EPB41L4A: variants seen among roughly 807,000 people sequenced by gnomAD.
The protein encoded by EPB41L4A is erythrocyte membrane protein band 4.1 like 4A.
Under a neutral mutation model 108.6 loss-of-function variants are expected in EPB41L4A, and 100 were observed. The observed-to-expected ratio is 0.92, with a 90% CI of 0.78 to 1.09. EPB41L4A has a LOEUF of 1.09. EPB41L4A is among the 50% of genes least tolerant of loss of function. EPB41L4A has a pLI of 0.00. For missense variants in EPB41L4A, 1,030 were observed against 842.7 expected, an observed-to-expected ratio of 1.22 and a Z score of -2.75; for synonymous variants, 319 against 289.0, an observed-to-expected ratio of 1.10 and a Z score of -1.05.
downstream of EPB41L4A, chr5:112,162,579 AT>A (rs1283003335): frequency 1.1e-4 from 17 of 152,214 alleles, no homozygotes; most frequent in African/African-American, 3.6e-4. Flanking sequence ...TAATGTTGCC[AT>A]ATCTTCTGCC....
chr5:112,291,228 C>A (rs1200696628), intron 2 of EPB41L4A, among the ~76,000 whole-genome samples: 1 of 152,180 alleles, frequency 6.6e-6, no homozygotes, highest in Non-Finnish European at 1.5e-5. Flanking sequence ...CCCTGCCCAC[C>A]TTTCCACTTC....
intron 2 of EPB41L4A, among the ~76,000 whole-genome samples, chr5:112,302,738 T>G (rs1754444299): frequency 6.6e-6 from 1 of 152,164 alleles, no homozygotes; most frequent in South Asian, 2.1e-4. Flanking sequence ...ACATCTGGGT[T>G]GAAGATAGGA....
intron 1 of EPB41L4A, among the ~76,000 whole-genome samples, chr5:112,409,100 A>T (rs928777093): frequency 6.6e-6 from 1 of 152,212 alleles, no homozygotes; most frequent in African/African-American, 2.4e-5. Flanking sequence ...TCGACTGATG[A>T]AAGAATAAAT....
intron 12 of EPB41L4A, among the ~76,000 whole-genome samples, chr5:112,215,679 C>T (rs554089638): frequency 8.5e-5 from 12 of 141,540 alleles, no homozygotes; most frequent in Admixed American, 6.1e-4. Flanking sequence ...AGGAGAATGG[C>T]GTGATCCCGG....
At chr5:112,405,518 T>C (rs906325884) in intron 1 of EPB41L4A, among the ~76,000 whole-genome samples, 5 of 152,226 alleles carry the variant, frequency 3.3e-5, no homozygotes, top group African/African-American at 1.2e-4. Flanking sequence ...TTAGAGTCTC[T>C]ACTTTTGTGA....
Position 112,239,671 on chromosome 5 carries a change from C to T in EPB41L4A, c.954G>A (p.Lys318=). The stretch of plus-strand genomic sequence containing the variant: ...AAAATGTCATTTACCTGTAGCGGTG[C>T]TTATAACGTATGGATCCAAACTTGC... The part of the protein sequence containing the change: ...KLSKFGSIRY[K]HRYSGRTALQ... Residue 318 remains lysine (K), a synonymous_variant, in exon 11 of 23, where the codon AAG becomes AAA. Coordinates refer to ENST00000261486, the MANE Select transcript of EPB41L4A (RefSeq NM_022140.5). 3 of 1,603,998 alleles carry T rather than the reference C, an allele frequency of 1.9e-6. No individual in the cohort carries two copies. Among genetic ancestry groups the T allele is most frequent in the Non-Finnish European group, 2.6e-6 (3 of 1,175,344 alleles).
chr5:112,402,277 T>C (rs1761810614), intron 1 of EPB41L4A, among the ~76,000 whole-genome samples: 1 of 152,128 alleles, frequency 6.6e-6, no homozygotes, highest in African/African-American at 2.4e-5. Context: ...GATTGTAAGT[T>C]TCCTGAGGCC....
chr5:112,362,919 T>TA (rs1418205918), intron 1 of EPB41L4A, among the ~76,000 whole-genome samples: 12 of 151,774 alleles, frequency 7.9e-5, no homozygotes, highest in East Asian at 3.9e-4. Flanking sequence ...TTATTATTAT[T>TA]TTTTTTTAAA....
intron 17 of EPB41L4A, among the ~76,000 whole-genome samples, chr5:112,187,212 G>T (rs1344328431): frequency 6.6e-6 from 1 of 152,124 alleles, no homozygotes; most frequent in South Asian, 2.1e-4. Flanking sequence ...TTCAAATGTT[G>T]CATCTAAAGG....
intron 2 of EPB41L4A, among the ~76,000 whole-genome samples, chr5:112,280,739 G>C (rs750443584): frequency 8.5e-5 from 13 of 152,218 alleles, no homozygotes; most frequent in Non-Finnish European, 1.6e-4. Context: ...TTATCATACT[G>C]ATTATAATGT....
chr5:112,243,467 A>C (rs561773095), intron 9 of EPB41L4A, among the ~76,000 whole-genome samples: 3 of 152,214 alleles, frequency 2.0e-5, no homozygotes, highest in African/African-American at 7.2e-5. Context: ...CTGCAGTAGC[A>C]CCTAAAGAGA....
chr5:112,300,554 A>G (rs1485484007), intron 2 of EPB41L4A, among the ~76,000 whole-genome samples: 1 of 152,138 alleles, frequency 6.6e-6, no homozygotes, highest in Admixed American at 6.5e-5. Flanking sequence ...AGATTACCTA[A>G]TGCTTTTGCC....
At position 112,283,386 on chromosome 5, in the gene EPB41L4A, G is replaced by A. The variant is rs139928053; in HGVS notation, c.205-3063C>T. ...ATCTTGAAATGTAAAACCCACTTAC[G>A]TTCAACCAAGGGAAAGATGTGACCT... On this transcript the variant is annotated intron_variant, in intron 2 of 22. Coordinates refer to ENST00000261486, the MANE Select transcript of EPB41L4A (RefSeq NM_022140.5). Among the ~76,000 whole-genome samples, 98 of 152,260 alleles carry A rather than the reference G, an allele frequency of 6.4e-4. 2 individuals are homozygous for A. Among genetic ancestry groups the A allele is most frequent in the African/African-American group, 2.2e-3 (92 of 41,522 alleles).
At chr5:112,172,678 C>G (rs930712999) in intron 18 of EPB41L4A, among the ~76,000 whole-genome samples, 1 of 152,126 alleles carries the variant, frequency 6.6e-6, no homozygotes, top group Non-Finnish European at 1.5e-5. Flanking sequence ...TTAAAAAGCA[C>G]TAAGGTGTTA....
At chr5:112,254,803 T>TAAGA (rs1750954332) in intron 9 of EPB41L4A, among the ~76,000 whole-genome samples, 1 of 151,930 alleles carries the variant, frequency 6.6e-6, no homozygotes, top group East Asian at 1.9e-4. Context: ...GTCTCTTTCT[T>TAAGA]CATCACTACT....
rs1179308745 is a variant in EPB41L4A, at chr5:112,267,302, AAAAC to A, written c.336-976_336-973del. On this transcript the variant is annotated intron_variant, in intron 4 of 22. Coordinates refer to ENST00000261486, the MANE Select transcript of EPB41L4A (RefSeq NM_022140.5). ...CGATGTCACTGGGAAGGGAAGAAAA[AAAAC>A]AAAGGAAATGAACTATAATAATCAG... Among the ~76,000 whole-genome samples, 3 of 152,208 alleles carry A rather than the reference AAAAC, an allele frequency of 2.0e-5. No individual in the cohort carries two copies. The South Asian group carries it at 6.2e-4, about 31-fold the overall frequency.
At chr5:112,154,744 C>T (rs1286082330) in intron 12 of EPB41L4A, among the ~76,000 whole-genome samples, 1 of 152,058 alleles carries the variant, frequency 6.6e-6, no homozygotes, top group Non-Finnish European at 1.5e-5. Flanking sequence ...TTCATCATTG[C>T]TAAAGTGACA....
Position 112,282,441 on chromosome 5 carries a change from C to T in EPB41L4A, c.205-2118G>A, listed in dbSNP as rs372626383. 9.4e-4 allele frequency among the ~76,000 whole-genome samples: 143 copies of T among 152,302 alleles called. 1 individual carries two copies. Among genetic ancestry groups the T allele is most frequent in the African/African-American group, 3.3e-3 (137 of 41,546 alleles). ...ACTTGCATTCGGTTTCCACTGCTGC[C>T]GTAACAAATTACCACAAGCTTAGAG... On this transcript the variant is annotated intron_variant, in intron 2 of 22. Coordinates refer to ENST00000261486, the MANE Select transcript of EPB41L4A (RefSeq NM_022140.5).
intron 1 of EPB41L4A, among the ~76,000 whole-genome samples, chr5:112,370,572 T>A (rs1235108180): frequency 2.6e-5 from 4 of 152,214 alleles, no homozygotes; most frequent in Non-Finnish European, 5.9e-5. Context: ...AAAATATACA[T>A]GGATTTTTAG....
Sources: gnomAD v4.1 joint callset for allele counts (sites outside exome capture counted in the v4.1 genomes callset) on GRCh38, gnomAD v4.1.1 for gene constraint, MANE v1.5 for transcripts, NCBI Gene and HGNC (gene_info 2026-07-23, HGNC 2026-07-21) for gene names.